The following FREM2 variants were observed in gnomAD, a reference collection of about 807,000 sequenced individuals.
FREM2 encodes the protein FRAS1 related extracellular matrix 2, also known as FRAS1-related extracellular matrix protein 2.
A neutral mutation model predicts 219.9 loss-of-function variants in FREM2; 119 were observed. That is an observed-to-expected ratio of 0.54 (90% CI 0.47 to 0.63). FREM2 has a LOEUF of 0.63. Among genes scored for constraint, FREM2 ranks in the 30% least tolerant of loss-of-function variants. The pLI is 0.00. For missense variants in FREM2, 4,030 were observed against 3,993.6 expected (o/e 1.01, Z -0.25); for synonymous variants, 1,562 against 1,522.8 (o/e 1.03, Z -0.60).
intron 12 of FREM2, 59 bp downstream of exon 12, chr13:38,856,315 A>G (rs1877559599): frequency 3.4e-6 from 5 of 1,476,580 alleles, no homozygotes; most frequent in Non-Finnish European, 4.7e-6. Context: ...GGAAATGCAT[A>G]AAAGCAATCA....
At chr13:38,867,810 C>G (rs1041510886) in intron 16 of FREM2, among the ~76,000 whole-genome samples, 2 of 152,210 alleles carry the variant, frequency 1.3e-5, no homozygotes, top group Non-Finnish European at 2.9e-5. Context: ...GAGATAAGTA[C>G]TATTTTTGTC....
intron 4 of FREM2, among the ~76,000 whole-genome samples, chr13:38,776,765 C>T (rs1283104564): frequency 6.6e-6 from 1 of 150,968 alleles, no homozygotes; most frequent in African/African-American, 2.5e-5. Flanking sequence ...TCATTTGTCT[C>T]TAAATCTAAA....
intron 4 of FREM2, among the ~76,000 whole-genome samples, chr13:38,770,140 G>T (rs556082623): frequency 2.7e-5 from 4 of 146,778 alleles, no homozygotes; most frequent in Non-Finnish European, 6.0e-5. Context: ...TTTATTTTAT[G>T]TATATAAATT....
intron 6 of FREM2, among the ~76,000 whole-genome samples, chr13:38,811,753 A>C (rs141691629): frequency 6.6e-6 from 1 of 152,138 alleles, no homozygotes; most frequent in Non-Finnish European, 1.5e-5. Context: ...TCCTGTTCTG[A>C]GGAGAAAAAT....
At chr13:38,754,804 A>G (rs1469103743) in intron 2 of FREM2, among the ~76,000 whole-genome samples, 1 of 151,684 alleles carries the variant, frequency 6.6e-6, no homozygotes, top group African/African-American at 2.4e-5. Context: ...TGATTGTCCA[A>G]TGCCTATATT....
At chr13:38,800,820 G>T (rs1874979731) in intron 6 of FREM2, among the ~76,000 whole-genome samples, 1 of 152,102 alleles carries the variant, frequency 6.6e-6, no homozygotes, top group Non-Finnish European at 1.5e-5. Flanking sequence ...AGTAGAAATG[G>T]GGTTTCACCA....
intron 6 of FREM2, among the ~76,000 whole-genome samples, chr13:38,792,305 C>T (rs1173929289): frequency 6.6e-6 from 1 of 152,162 alleles, no homozygotes; most frequent in Non-Finnish European, 1.5e-5. Context: ...GCTGAGATCA[C>T]ACCACTGCAC....
chr13:38,764,505 A>G (rs935417759), intron 3 of FREM2, 55 bp downstream of exon 3: 3 of 1,077,788 alleles, frequency 2.8e-6, no homozygotes, highest in African/African-American at 1.6e-5. Flanking sequence ...GCAAAGGTTT[A>G]TAATTCTACA....
At chr13:38,835,817 T>A (rs1464918651) in intron 6 of FREM2, among the ~76,000 whole-genome samples, 3 of 152,272 alleles carry the variant, frequency 2.0e-5, no homozygotes, top group Non-Finnish European at 4.4e-5. Flanking sequence ...TTGCTGAAGT[T>A]GCTTATCAGC....
chr13:38,874,942 A>G (rs1164986804), intron 18 of FREM2, among the ~76,000 whole-genome samples: 1 of 152,204 alleles, frequency 6.6e-6, no homozygotes, highest in African/African-American at 2.4e-5. Flanking sequence ...TCATTCAGCA[A>G]GCACTTCTCT....
At chr13:38,748,745 GT>G (rs1356380923) in intron 2 of FREM2, among the ~76,000 whole-genome samples, 1 of 152,028 alleles carries the variant, frequency 6.6e-6, no homozygotes. Flanking sequence ...TTTTTAAAAT[GT>G]AATACCTATT....
Position 38,687,288 on chromosome 13 carries a change from C to A in FREM2, c.-57C>A. ...CCGGCGGTGTCTCTTGTTGTCTGCCCGGGGACCGACTTCGCATGCTCTCAG... is the reference window on the plus strand; with the variant it reads ...CCGGCGGTGTCTCTTGTTGTCTGCCAGGGGACCGACTTCGCATGCTCTCAG... On this transcript the variant is annotated 5_prime_UTR_variant, in exon 1 of 24. Transcript: ENST00000280481. 1 of 1,554,450 alleles carries A rather than the reference C, an allele frequency of 6.4e-7. No individual in the cohort carries two copies. The highest frequency in any genetic ancestry group is 8.7e-7 in the Non-Finnish European group (1 of 1,148,902).
chr13:38,687,594 G>A lies in FREM2; in HGVS notation c.250G>A (p.Gly84Ser). The A allele has an allele frequency of 6.2e-7, 1 of 1,608,464 alleles. No individual in the cohort carries two copies. The highest frequency in any genetic ancestry group is 8.5e-7 in the Non-Finnish European group (1 of 1,177,570). The change falls in exon 1 of 24, where the codon GGC (glycine) becomes AGC (serine). Residue 84 changes from glycine (G) to serine (S), a missense_variant. Physicochemically the swap from Gly to Ser is moderately conservative, Grantham distance 56 (BLOSUM62 0). Around this residue, in one of 2 missense-constraint regions of FREM2, gnomAD observed 3,102 missense variants for 2,950.7 expected, o/e 1.05. Coordinates refer to ENST00000280481, the MANE Select transcript of FREM2 (RefSeq NM_207361.6). Reference protein sequence around the residue: ...LANRGLRVPFGREVWLDPLHD... With the variant: ...LANRGLRVPFSREVWLDPLHD... ...GAACCGCGGACTCCGGGTGCCTTTC[G>A]GCCGTGAAGTCTGGCTGGATCCCCT...
intron 1 of FREM2, among the ~76,000 whole-genome samples, chr13:38,697,181 C>T (rs917581971): frequency 6.6e-6 from 1 of 152,090 alleles, no homozygotes; most frequent in Non-Finnish European, 1.5e-5. Context: ...TTGAAAATAT[C>T]ATCTTATTTT....
intron 4 of FREM2, among the ~76,000 whole-genome samples, chr13:38,776,415 A>G (rs1873871551): frequency 6.6e-6 from 1 of 152,198 alleles, no homozygotes; most frequent in Admixed American, 6.5e-5. Flanking sequence ...CCTCTGTGGA[A>G]TATAATTGAG....
chr13:38,879,072 G>A, intron 23 of FREM2, 95 bp downstream of exon 23: 2 of 1,094,266 alleles, frequency 1.8e-6, no homozygotes, highest in Non-Finnish European at 2.8e-6. Context: ...GTAAATAGCA[G>A]TAATAGTAAT....
chr13:38,766,497 G>T (rs1873441079), intron 3 of FREM2, among the ~76,000 whole-genome samples: 1 of 152,052 alleles, frequency 6.6e-6, no homozygotes, highest in African/African-American at 2.4e-5. Flanking sequence ...TAAAATGAAG[G>T]GTAGCCTCAT....
chr13:38,834,034 T>C (rs1457365860), intron 6 of FREM2, among the ~76,000 whole-genome samples: 1 of 152,164 alleles, frequency 6.6e-6, no homozygotes, highest in Non-Finnish European at 1.5e-5. Context: ...TTTTTTAAAT[T>C]ATACTTTAAG....
chr13:38,736,375 A>G (rs1238001032), intron 2 of FREM2, among the ~76,000 whole-genome samples: 1 of 152,218 alleles, frequency 6.6e-6, no homozygotes, highest in Non-Finnish European at 1.5e-5. Context: ...TAAAAGTGCC[A>G]TGATTTTATT....
Sources: allele counts gnomAD v4.1 joint callset (sites outside exome capture counted in the v4.1 genomes callset), GRCh38; gene constraint gnomAD v4.1.1; regional missense constraint gnomAD v4.1.1; transcripts MANE v1.5; gene names NCBI Gene and HGNC (gene_info 2026-07-23, HGNC 2026-07-21).